Variants in UTRN observed in about 807,000 individuals in gnomAD.
The protein encoded by UTRN is dystrophin-related protein 1.
A neutral mutation model predicts 463.9 loss-of-function variants in UTRN; 283 were observed. That is an observed-to-expected ratio of 0.61 (90% CI 0.55 to 0.67). The LOEUF (loss-of-function observed/expected upper bound fraction) is 0.67. Among genes scored for constraint, UTRN ranks in the 30% least tolerant of loss-of-function variants. UTRN has a pLI of 0.00. For missense variants in UTRN, 3,922 were observed against 4,084.3 expected, an observed-to-expected ratio of 0.96 and a Z score of 1.08; for synonymous variants, 1,442 against 1,431.5, an observed-to-expected ratio of 1.01 and a Z score of -0.17.
chr6:144,436,206 C>T, intron 10 of UTRN, 68 bp downstream of exon 10: 7 of 1,450,004 alleles, frequency 4.8e-6, no homozygotes, highest in Non-Finnish European at 5.7e-6. Context: ...AGGGACTCTA[C>T]TCTCCTATTT....
intron 4 of UTRN, among the ~76,000 whole-genome samples, chr6:144,422,359 G>A (rs1421652367): frequency 2.6e-5 from 4 of 152,250 alleles, no homozygotes; most frequent in African/African-American, 7.2e-5. Context: ...GCTCACGCCT[G>A]TAATCCTAGC....
In UTRN at chr6:144,304,159, T is replaced by A. The variant is rs1805515680; in HGVS notation, c.79+12252T>A. ...TTGTCATACTGTTTGTAAGTTCATC[T>A]TTCTTTACATTCAGTGGATAACTAA... On this transcript the variant is annotated intron_variant, in intron 2 of 74. Coordinates refer to ENST00000367545, the MANE Select transcript of UTRN (RefSeq NM_007124.3). Among the ~76,000 whole-genome samples, 2 of 152,230 alleles carry A rather than the reference T, an allele frequency of 1.3e-5. 1 individual carries two copies. Among genetic ancestry groups the A allele is most frequent in the South Asian group, 4.1e-4 (2 of 4,834 alleles).
intron 65 of UTRN, among the ~76,000 whole-genome samples, chr6:144,814,319 A>G (rs977711974): frequency 2.6e-5 from 4 of 152,180 alleles, no homozygotes; most frequent in African/African-American, 9.7e-5. Flanking sequence ...CAGATCTACC[A>G]ATCCTTTGAT....
intron 65 of UTRN, among the ~76,000 whole-genome samples, chr6:144,818,780 C>T (rs1157768970): frequency 6.6e-6 from 1 of 151,992 alleles, no homozygotes; most frequent in Non-Finnish European, 1.5e-5. Flanking sequence ...ATAACCATTG[C>T]AAAAGATGTG....
rs777656716 is a variant in UTRN, at chr6:144,754,707, T to C, written c.8356-13T>C. ...CAAATTATTTCCTCTGACTTGCATG[T>C]GTATGTGTGCAGGTTTCTGTGGATG... On this transcript the variant is annotated splice_polypyrimidine_tract_variant and intron_variant, in intron 56 of 74. Transcript: ENST00000367545. 1.9e-6 allele frequency: 3 copies of C among 1,611,600 alleles called. No individual in the cohort carries two copies. In the South Asian group the frequency reaches 3.3e-5, roughly 18 times the overall value.
intron 2 of UTRN, among the ~76,000 whole-genome samples, chr6:144,310,711 GAGGTTGCATT>G: frequency 6.6e-6 from 1 of 152,212 alleles, no homozygotes; most frequent in Non-Finnish European, 1.5e-5. Context: ...CCAGGAGGCA[GAGGTTGCATT>G]GAGCTGAGAT....
chr6:144,479,822 A>G lies in UTRN; in HGVS notation c.3347A>G (p.Gln1116Arg). 1 of 1,613,062 alleles carries G rather than the reference A, an allele frequency of 6.2e-7. No individual in the cohort carries two copies. Among genetic ancestry groups the G allele is most frequent in the Non-Finnish European group, 8.5e-7 (1 of 1,179,628 alleles). The change falls in exon 26 of 75, where the codon CAA becomes CGA. Residue 1116 changes from glutamine (Q) to arginine (R), a missense_variant. This residue lies in a region of UTRN where 2,349 missense variants were observed against 2,303.8 expected (regional missense o/e 1.02). Coordinates refer to ENST00000367545, the MANE Select transcript of UTRN (RefSeq NM_007124.3). Reference protein sequence around the residue: ...LEKLSKEIATQKSRLSESQEK... With the variant: ...LEKLSKEIATRKSRLSESQEK... ...GCTTTTCCTTTGTAGATCGCTACTC[A>G]AAAAAGTAGGTTGTCTGAAAGTCAA...
chr6:144,842,373 A>G (rs902220720), intron 73 of UTRN, among the ~76,000 whole-genome samples: 3 of 152,128 alleles, frequency 2.0e-5, no homozygotes, highest in African/African-American at 7.2e-5. Context: ...TGAGGTCAGG[A>G]GTTTGAGACC....
intron 3 of UTRN, among the ~76,000 whole-genome samples, chr6:144,417,342 A>C (rs1209320616): frequency 6.6e-6 from 1 of 152,206 alleles, no homozygotes; most frequent in Non-Finnish European, 1.5e-5. Context: ...ACATAGATTT[A>C]GAGCCAGATT....
At chr6:144,576,246 C>A (rs552582186) in intron 50 of UTRN, among the ~76,000 whole-genome samples, 28 of 152,160 alleles carry the variant, frequency 1.8e-4, no homozygotes, top group African/African-American at 6.5e-4. Flanking sequence ...GGAAATATTT[C>A]CAGTTCTCTT....
intron 3 of UTRN, among the ~76,000 whole-genome samples, chr6:144,415,820 C>T (rs888179832): frequency 6.6e-6 from 1 of 151,912 alleles, no homozygotes; most frequent in Non-Finnish European, 1.5e-5. Context: ...TAGATAATGG[C>T]GGTTTGGGCT....
At chr6:144,662,884 C>T (rs1299407485) in intron 51 of UTRN, among the ~76,000 whole-genome samples, 1 of 152,114 alleles carries the variant, frequency 6.6e-6, no homozygotes, top group African/African-American at 2.4e-5. Flanking sequence ...TTGGAGACAT[C>T]CAGTGGTTTT....
chr6:144,723,898 T>C (rs1407637654), intron 53 of UTRN, among the ~76,000 whole-genome samples: 1 of 149,690 alleles, frequency 6.7e-6, no homozygotes, highest in East Asian at 2.0e-4. Flanking sequence ...TAATCCCAGC[T>C]ACTTGGGAGG....
chr6:144,584,765 A>C (rs915204797), intron 51 of UTRN, among the ~76,000 whole-genome samples: 1 of 152,072 alleles, frequency 6.6e-6, no homozygotes, highest in Non-Finnish European at 1.5e-5. Flanking sequence ...TTTGCATAAG[A>C]AGTTAATTAA....
In UTRN at chr6:144,754,701, T is replaced by TG; in HGVS notation, c.8356-18dup. On this transcript the variant is annotated intron_variant, in intron 56 of 74. Transcript: ENST00000367545. ...CGGAATCAAATTATTTCCTCTGACT[T>TG]GCATGTGTATGTGTGCAGGTTTCTG... 1 of 1,609,466 alleles carries TG rather than the reference T, an allele frequency of 6.2e-7. No individual in the cohort carries two copies. The highest frequency in any genetic ancestry group is 8.5e-7 in the Non-Finnish European group (1 of 1,178,436).
chr6:144,648,314 T>C (rs1778482528), intron 51 of UTRN, among the ~76,000 whole-genome samples: 1 of 152,206 alleles, frequency 6.6e-6, no homozygotes, highest in African/African-American at 2.4e-5. Context: ...TATCCATTTC[T>C]TGTTTGGTTG....
intron 51 of UTRN, among the ~76,000 whole-genome samples, chr6:144,661,442 G>A (rs1415280744): frequency 6.6e-6 from 1 of 152,166 alleles, no homozygotes; most frequent in Admixed American, 6.5e-5. Flanking sequence ...TGTAATGTAA[G>A]GATTAGGCTT....
At chr6:144,479,527 T>C (rs1257349333) in intron 25 of UTRN, among the ~76,000 whole-genome samples, 3 of 152,240 alleles carry the variant, frequency 2.0e-5, no homozygotes, top group Non-Finnish European at 4.4e-5. Context: ...ATTAGATTCC[T>C]ACATCTGGGA....
chr6:144,814,054 G>A lies in UTRN; in HGVS notation c.9358-6828G>A, dbSNP rs571336834. Among the ~76,000 whole-genome samples, 31 of 152,300 alleles carry A rather than the reference G, an allele frequency of 2.0e-4. No individual in the cohort carries two copies. In the South Asian group the frequency reaches 6.4e-3, roughly 32 times the overall value. ...GGGTATGGGGGAACAGGACCAGGAA[G>A]TCTCAAACTCAAGTACTGCTATGAA... On this transcript the variant is annotated intron_variant, in intron 65 of 74. Transcript: ENST00000367545.
Sources: allele counts gnomAD v4.1 joint callset (sites outside exome capture counted in the v4.1 genomes callset), GRCh38; gene constraint gnomAD v4.1.1; regional missense constraint gnomAD v4.1.1; transcripts MANE v1.5; gene names NCBI Gene and HGNC (gene_info 2026-07-23, HGNC 2026-07-21).